EPC2: variants seen among roughly 807,000 people sequenced by gnomAD.
EPC2 encodes the protein enhancer of polycomb homolog 2.
A neutral mutation model predicts 92.1 loss-of-function variants in EPC2; 14 were observed. The ratio of observed to expected loss-of-function variants is 0.15; its 90% CI spans 0.10 to 0.24. EPC2 has a LOEUF of 0.24. Among genes scored for constraint, EPC2 ranks in the 10% least tolerant of loss-of-function variants. EPC2 has a pLI of 1.00. For missense variants in EPC2, 755 were observed against 971.5 expected (o/e 0.78, Z 2.96); for synonymous variants, 340 against 334.7 (o/e 1.02, Z -0.17).
intron 1 of EPC2, among the ~76,000 whole-genome samples, chr2:148,660,765 A>G (rs1255524122): frequency 6.6e-6 from 1 of 152,024 alleles, no homozygotes; most frequent in Non-Finnish European, 1.5e-5. Flanking sequence ...ATTTAAAAAA[A>G]TAATCTTTTC....
chr2:148,707,712 C>T (rs916656027), intron 2 of EPC2, among the ~76,000 whole-genome samples: 1 of 152,212 alleles, frequency 6.6e-6, no homozygotes, highest in Non-Finnish European at 1.5e-5. Flanking sequence ...AACTGCTCAA[C>T]TAGATGGAAA....
chr2:148,740,767 A>G (rs1238850527), intron 2 of EPC2, among the ~76,000 whole-genome samples: 2 of 152,000 alleles, frequency 1.3e-5, no homozygotes, highest in East Asian at 3.9e-4. Context: ...TATTGTGTTA[A>G]CTCTGCTCCA....
intron 2 of EPC2, among the ~76,000 whole-genome samples, chr2:148,710,093 ACT>A (rs746420985): frequency 2.2e-4 from 34 of 152,352 alleles, no homozygotes; most frequent in South Asian, 1.7e-3. Flanking sequence ...TTTGCAATCT[ACT>A]CATCTGACAA....
intron 7 of EPC2, 127 bp downstream of exon 7, chr2:148,765,273 TTCCAC>T: frequency 1.8e-6 from 1 of 549,580 alleles, no homozygotes; most frequent in Non-Finnish European, 2.9e-6. Context: ...GCATAAACAT[TTCCAC>T]AGTATTTATG....
chr2:148,754,188 C>A, intron 4 of EPC2, 55 bp downstream of exon 4: 1 of 1,281,842 alleles, frequency 7.8e-7, no homozygotes, highest in Non-Finnish European at 1.1e-6. Context: ...CAAGATCAAT[C>A]TTTTTTTTTC....
intron 2 of EPC2, among the ~76,000 whole-genome samples, chr2:148,716,189 CTCTT>C (rs1196741556): frequency 6.6e-6 from 1 of 152,208 alleles, no homozygotes; most frequent in Non-Finnish European, 1.5e-5. Context: ...TTTACTTCCT[CTCTT>C]TCTATTTGAA....
intron 2 of EPC2, among the ~76,000 whole-genome samples, chr2:148,708,591 C>T (rs1235542334): frequency 3.3e-5 from 5 of 152,142 alleles, no homozygotes; most frequent in African/African-American, 4.8e-5. Flanking sequence ...TGTGAAAATC[C>T]TCAATAAAAT....
At chr2:148,651,894 A>G (rs994291390) in intron 1 of EPC2, among the ~76,000 whole-genome samples, 1 of 152,186 alleles carries the variant, frequency 6.6e-6, no homozygotes, top group Admixed American at 6.5e-5. Context: ...CTCGCCTAAG[A>G]TCATCCGTCT....
At chr2:148,785,719 T>C (rs1445183694) in intron 13 of EPC2, among the ~76,000 whole-genome samples, 2 of 152,228 alleles carry the variant, frequency 1.3e-5, no homozygotes, top group African/African-American at 2.4e-5. Flanking sequence ...GTGTTTTCTT[T>C]AGCGTCATAC....
At chr2:148,672,784 C>T (rs1681181615) in intron 1 of EPC2, among the ~76,000 whole-genome samples, 1 of 151,924 alleles carries the variant, frequency 6.6e-6, no homozygotes, top group South Asian at 2.1e-4. Context: ...TTACTTTTAC[C>T]TAAGTTTTAT....
At chr2:148,685,667 A>C (rs1454999845) in intron 1 of EPC2, among the ~76,000 whole-genome samples, 2 of 152,246 alleles carry the variant, frequency 1.3e-5, no homozygotes, top group Non-Finnish European at 2.9e-5. Context: ...AGGCTAAGGC[A>C]GGAGAATGGC....
intron 6 of EPC2, 46 bp from the exon 7 acceptor site, chr2:148,764,909 T>C (rs1176441944): frequency 2.3e-6 from 3 of 1,321,370 alleles, no homozygotes; most frequent in Non-Finnish European, 3.0e-6. Flanking sequence ...ATTTCTAAAA[T>C]GATTTTTATT....
chr2:148,740,378 T>C (rs1010737346), intron 2 of EPC2, among the ~76,000 whole-genome samples: 2 of 151,990 alleles, frequency 1.3e-5, no homozygotes, highest in Non-Finnish European at 2.9e-5. Context: ...GTACCTGGTT[T>C]AAAAGCAACA....
intron 1 of EPC2, among the ~76,000 whole-genome samples, chr2:148,670,001 T>C (rs1021897976): frequency 2.0e-5 from 3 of 152,162 alleles, no homozygotes; most frequent in African/African-American, 7.2e-5. Flanking sequence ...CAGGGAAGCC[T>C]CTTTAGAGCT....
chr2:148,701,706 C>T (rs1427122231), intron 2 of EPC2, among the ~76,000 whole-genome samples: 1 of 152,036 alleles, frequency 6.6e-6, no homozygotes, highest in Non-Finnish European at 1.5e-5. Flanking sequence ...CTTGTAATAT[C>T]TTTTTCTGCT....
chr2:148,753,395 G>T (rs1683115702), intron 3 of EPC2, among the ~76,000 whole-genome samples: 1 of 152,174 alleles, frequency 6.6e-6, no homozygotes. Context: ...GCATAATGTT[G>T]AAACTTCTGG....
intron 3 of EPC2, among the ~76,000 whole-genome samples, chr2:148,747,202 TCA>T (rs923250825): frequency 3.3e-5 from 5 of 152,014 alleles, no homozygotes; most frequent in African/African-American, 1.2e-4. Context: ...TCTCCACTTA[TCA>T]CACATTCCCA....
chr2:148,713,056 T>A (rs1682184743), intron 2 of EPC2, among the ~76,000 whole-genome samples: 1 of 152,202 alleles, frequency 6.6e-6, no homozygotes, highest in African/African-American at 2.4e-5. Context: ...TTCACAGTAC[T>A]AATACTTGAT....
At chr2:148,785,176 A>C (rs753153843) in intron 13 of EPC2, among the ~76,000 whole-genome samples, 175 bp downstream of exon 13, 1 of 152,182 alleles carries the variant, frequency 6.6e-6, no homozygotes, top group African/African-American at 2.4e-5. Context: ...TAAGGTGCCT[A>C]GTAGGATGCT....
Sources: gnomAD v4.1 joint callset for allele counts (sites outside exome capture counted in the v4.1 genomes callset) on GRCh38, gnomAD v4.1.1 for gene constraint, MANE v1.5 for transcripts, NCBI Gene and HGNC (gene_info 2026-07-23, HGNC 2026-07-21) for gene names.